Variants in GLIS1 observed in about 807,000 individuals in gnomAD.
GLIS1 encodes the protein GLIS family zinc finger 1, also known as zinc finger protein GLIS1.
A neutral mutation model predicts 63.8 loss-of-function variants in GLIS1; 24 were observed. The observed-to-expected ratio is 0.38, with a 90% CI of 0.27 to 0.53. The LOEUF is 0.53. Ranked by LOEUF, GLIS1 falls within the 20% of genes least tolerant of loss-of-function variation. The pLI, the probability that GLIS1 is intolerant of heterozygous loss-of-function variation, is 0.85. For synonymous variants in GLIS1, 450 were observed against 482.5 expected (o/e 0.93, Z 0.88); for missense variants, 1,036 against 1,074.1 (o/e 0.96, Z 0.50).
intron 2 of GLIS1, among the ~76,000 whole-genome samples, chr1:53,710,742 GGCCTGTCAC>G (rs1372714583): frequency 6.6e-6 from 1 of 152,110 alleles, no homozygotes; most frequent in African/African-American, 2.4e-5. Context: ...TCCAACACAG[GGCCTGTCAC>G]GCTCGTGCAA....
intron 6 of GLIS1, among the ~76,000 whole-genome samples, chr1:53,523,093 C>T (rs569014152): frequency 6.6e-6 from 1 of 151,014 alleles, no homozygotes; most frequent in Non-Finnish European, 1.5e-5. Context: ...TTCCGAGTAG[C>T]TGGCGAGCTA....
chr1:53,575,362 C>T (rs1645023245), intron 4 of GLIS1, among the ~76,000 whole-genome samples: 1 of 152,160 alleles, frequency 6.6e-6, no homozygotes, highest in Non-Finnish European at 1.5e-5. Context: ...ATCACCGGGC[C>T]CCTGCCTGCC....
At chr1:53,567,367 G>A (rs1407849822) in intron 4 of GLIS1, among the ~76,000 whole-genome samples, 2 of 152,194 alleles carry the variant, frequency 1.3e-5, no homozygotes. Flanking sequence ...ATAGTCATAT[G>A]TATTTACAAA....
intron 2 of GLIS1, among the ~76,000 whole-genome samples, chr1:53,651,296 T>C (rs1199330677): frequency 6.6e-6 from 1 of 152,192 alleles, no homozygotes; most frequent in Non-Finnish European, 1.5e-5. Flanking sequence ...TAAAATTAAT[T>C]CAATGAAAAC....
At chr1:53,557,010 AGT>A (rs1053419119) in intron 4 of GLIS1, among the ~76,000 whole-genome samples, 6 of 141,686 alleles carry the variant, frequency 4.2e-5, no homozygotes, top group Non-Finnish European at 9.3e-5. Flanking sequence ...ACTACAGGTG[AGT>A]GTGTGTGTGC....
In GLIS1 at chr1:53,518,515, G is replaced by T. The variant is rs574422341; in HGVS notation, c.1726+2119C>A. 5.8e-4 allele frequency among the ~76,000 whole-genome samples: 88 copies of T among 152,318 alleles called. 1 individual carries two copies. Among genetic ancestry groups the T allele is most frequent in the Non-Finnish European group, 1.0e-3 (71 of 68,036 alleles). On this transcript the variant is annotated intron_variant, in intron 7 of 10. Transcript: ENST00000628545. ...TCACCATAAACAATAACAGTAAGAT[G>T]ATCAGTCACATAGGGTTTATGTAAG...
chr1:53,560,217 G>A lies in GLIS1; in HGVS notation c.1321-30265C>T, dbSNP rs1307413649. Among the ~76,000 whole-genome samples, 1 of 152,226 alleles carries A rather than the reference G, an allele frequency of 6.6e-6. No homozygotes were observed. The highest frequency in any genetic ancestry group is 2.4e-5 in the African/African-American group (1 of 41,454). On this transcript the variant is annotated intron_variant, in intron 4 of 10. Transcript: ENST00000628545. This position sits in a 1 kb window ranked among gnomAD's most constrained non-coding sequence, Gnocchi z 4.4. ...CTGGAGTGGCCTGTAGAGCTCACCAGCGAAGACAGACAAAGAAGAGCCAGC... is the reference window on the plus strand; with the variant it reads ...CTGGAGTGGCCTGTAGAGCTCACCAACGAAGACAGACAAAGAAGAGCCAGC...
At chr1:53,575,967 ACAGT>A (rs1032716307) in intron 4 of GLIS1, among the ~76,000 whole-genome samples, 1 of 152,104 alleles carries the variant, frequency 6.6e-6, no homozygotes, top group Non-Finnish European at 1.5e-5. Context: ...CAGGGAAAGG[ACAGT>A]CAAAGTCATC....
intron 5 of GLIS1, among the ~76,000 whole-genome samples, chr1:53,525,515 G>A (rs1264766551): frequency 2.0e-5 from 3 of 149,702 alleles, no homozygotes; most frequent in African/African-American, 7.4e-5. Context: ...CCCTGTGCAT[G>A]GGGAGTGGAC....
chr1:53,612,965 CCCA>C (rs1412752801), intron 2 of GLIS1, among the ~76,000 whole-genome samples: 1 of 152,118 alleles, frequency 6.6e-6, no homozygotes. Flanking sequence ...ACTACAGGCA[CCCA>C]CCACCACGTG....
At chr1:53,637,943 G>C (rs1645744511) in intron 2 of GLIS1, among the ~76,000 whole-genome samples, 1 of 152,220 alleles carries the variant, frequency 6.6e-6, no homozygotes, top group African/African-American at 2.4e-5. Context: ...CTGGGGCCTG[G>C]CTGGAGGGCC....
chr1:53,569,824 G>C (rs1323469065), intron 4 of GLIS1, among the ~76,000 whole-genome samples: 2 of 151,648 alleles, frequency 1.3e-5, no homozygotes, highest in Non-Finnish European at 1.5e-5. Flanking sequence ...AATTAAAAAA[G>C]ATAAAATTCA....
intron 3 of GLIS1, 58 bp from the exon 4 acceptor site, chr1:53,595,048 T>G: frequency 7.3e-7 from 1 of 1,361,772 alleles, no homozygotes; most frequent in Non-Finnish European, 9.5e-7. Flanking sequence ...GAGGGAAGGC[T>G]CAGGTGGGGG....
Position 53,655,453 on chromosome 1 carries a change from G to A in GLIS1, c.260-55175C>T, listed in dbSNP as rs139504251. Among the ~76,000 whole-genome samples the A allele has an allele frequency of 3.7e-3, 562 of 152,262 alleles. 3 individuals carry two copies. Among genetic ancestry groups the A allele is most frequent in the Non-Finnish European group, 5.8e-3 (397 of 68,014 alleles). On this transcript the variant is annotated intron_variant, in intron 2 of 10. Coordinates refer to ENST00000628545, the MANE Select transcript of GLIS1 (RefSeq NM_001367484.1). The stretch of plus-strand genomic sequence containing the variant: ...GCCTTGGGGTGCAAGGAAGTTCTCC[G>A]TGTCTCAGTTTCCTCATTTGTAAAA...
intron 4 of GLIS1, among the ~76,000 whole-genome samples, chr1:53,544,036 C>T (rs1185072640): frequency 6.6e-6 from 1 of 152,184 alleles, no homozygotes; most frequent in Non-Finnish European, 1.5e-5. Context: ...GCGCGCAGCC[C>T]AGCCCAGATG....
intron 4 of GLIS1, among the ~76,000 whole-genome samples, chr1:53,533,687 C>T (rs1644554102): frequency 6.6e-6 from 1 of 152,182 alleles, no homozygotes; most frequent in Admixed American, 6.5e-5. Flanking sequence ...AGAGTCATGC[C>T]CCATCAGGAC....
intron 2 of GLIS1, among the ~76,000 whole-genome samples, chr1:53,649,340 C>CT (rs1201758898): frequency 6.6e-6 from 1 of 152,204 alleles, no homozygotes; most frequent in African/African-American, 2.4e-5. Flanking sequence ...TTCTGTACGA[C>CT]TGCAGCTATG....
intron 2 of GLIS1, among the ~76,000 whole-genome samples, chr1:53,699,072 TA>T (rs1258719692): frequency 5.8e-5 from 8 of 138,656 alleles, no homozygotes; most frequent in Admixed American, 4.2e-4. Context: ...TTTTTATTTT[TA>T]TTTTTTTTTG....
chr1:53,606,488 G>A (rs1032470053), intron 2 of GLIS1, among the ~76,000 whole-genome samples: 1 of 152,134 alleles, frequency 6.6e-6, no homozygotes, highest in African/African-American at 2.4e-5. Flanking sequence ...GGTCCAGGGC[G>A]GGTGAGCAGC....
Sources: allele counts gnomAD v4.1 joint callset (sites outside exome capture counted in the v4.1 genomes callset), GRCh38; gene constraint gnomAD v4.1.1; non-coding constraint Gnocchi (gnomAD v3.1); transcripts MANE v1.5; gene names NCBI Gene and HGNC (gene_info 2026-07-23, HGNC 2026-07-21).